The following TAP2 variants were observed in gnomAD, a reference collection of about 807,000 sequenced individuals.
The protein encoded by TAP2 is antigen peptide transporter 2.
A neutral mutation model predicts 74.7 loss-of-function variants in TAP2; 49 were observed. The ratio of observed to expected loss-of-function variants is 0.66; its 90% CI spans 0.52 to 0.83. The LOEUF (loss-of-function observed/expected upper bound fraction) is 0.83, where lower values mean the gene tolerates loss of function less well. Among genes scored for constraint, TAP2 ranks in the 40% least tolerant of loss-of-function variants. The probability of loss-of-function intolerance (pLI) is 0.00; values close to 1 mark genes in which losing one functional copy is unlikely to be tolerated. For missense variants in TAP2, 739 were observed against 859.0 expected, an observed-to-expected ratio of 0.86 and a Z score of 1.75; for synonymous variants, 306 against 368.4, an observed-to-expected ratio of 0.83 and a Z score of 1.94.
rs1768640571 is a variant in TAP2 at position 32,826,211 on chromosome 6, G to A, written c.*2695C>T. The A allele has an allele frequency of 6.1e-6, 6 of 985,234 alleles. No homozygotes were observed. The South Asian group carries it at 1.4e-4, about 23-fold the overall frequency. 61.0% of individuals were successfully genotyped at this position (985,234 alleles called of 1,614,324 possible). Reference sequence around the variant, plus strand: ...ACAATTGCCATGTGGATTACAAGTGGCTATCCCTGGGTGGAGGCATAAAGG... The same window carrying A: ...ACAATTGCCATGTGGATTACAAGTGACTATCCCTGGGTGGAGGCATAAAGG... On this transcript the variant is annotated 3_prime_UTR_variant, in exon 12 of 12. Transcript: ENST00000374897.
rs1769152284 is a variant in TAP2 at position 32,832,512 on chromosome 6, C to G, written c.1144-51G>C. 6.2e-7 allele frequency: 1 copy of G among 1,610,832 alleles called. No individual in the cohort carries two copies. The highest frequency in any genetic ancestry group is 8.5e-7 in the Non-Finnish European group (1 of 1,178,970). On this transcript the variant is annotated intron_variant, in intron 6 of 11. Coordinates refer to ENST00000374897, the MANE Select transcript of TAP2 (RefSeq NM_001290043.2). This position sits in a 1 kb window ranked among gnomAD's most constrained non-coding sequence, Gnocchi z 5.9. ...GGCTGGGAATCTTCCCATTCTTTCCCCCTCTCTGCCTCTATGAGACTGAGC... is the reference window on the plus strand; with the variant it reads ...GGCTGGGAATCTTCCCATTCTTTCCGCCTCTCTGCCTCTATGAGACTGAGC...
Position 32,828,682 on chromosome 6 carries a change from C to CCACAA in TAP2, c.*223_*224insTTGTG. On this transcript the variant is annotated 3_prime_UTR_variant, in exon 12 of 12. Coordinates refer to ENST00000374897, the MANE Select transcript of TAP2 (RefSeq NM_001290043.2). ...GTTTCCTGGACACAGACAGCCCCCA[C>CCACAA]CCCACCCCACCCCACCTCTCTACCC... 2 of 971,400 alleles carry CCACAA rather than the reference C, an allele frequency of 2.1e-6. No individual in the cohort carries two copies. The highest frequency in any genetic ancestry group is 9.3e-5 in the East Asian group (1 of 10,764). The allele number at this position is 971,400 out of a possible 1,614,324, so 60.2% of individuals were successfully genotyped here.
rs145234385 is a variant in TAP2 at position 32,827,505 on chromosome 6, C to A, written c.*1401G>T. 2 of 345,148 alleles carry A rather than the reference C, an allele frequency of 5.8e-6. No homozygotes were observed. The highest frequency in any genetic ancestry group is 8.2e-6 in the Non-Finnish European group (2 of 245,356). The allele number at this position is 345,148 out of a possible 1,614,324, so 21.4% of individuals were successfully genotyped here. A position where few individuals can be genotyped will look rare whatever the true frequency, so the allele number is the denominator to read the frequency against. ...TTAAAAGGGCTGTGAAAGAGGTAAC[C>A]GCACAGTGATAGAAGCACATGGAGA... On this transcript the variant is annotated 3_prime_UTR_variant, in exon 12 of 12. Transcript: ENST00000374897.
Position 32,827,351 on chromosome 6 carries a change from T to G in TAP2, c.*1555A>C, listed in dbSNP as rs879351557. ...TTATTCATTTATTCAATTGACTATTTATTCTCCACTATGAATTAGGCCCTC... is the reference window on the plus strand; with the variant it reads ...TTATTCATTTATTCAATTGACTATTGATTCTCCACTATGAATTAGGCCCTC... On this transcript the variant is annotated 3_prime_UTR_variant, in exon 12 of 12. Coordinates refer to ENST00000374897, the MANE Select transcript of TAP2 (RefSeq NM_001290043.2). 2.0e-6 allele frequency: 2 copies of G among 983,800 alleles called. No homozygotes were observed. Among genetic ancestry groups the G allele is most frequent in the Admixed American group, 1.2e-4 (2 of 16,264 alleles). 60.9% of individuals were successfully genotyped at this position (983,800 alleles called of 1,614,324 possible).
At chr6:32,825,126 T>TATATA (rs1554230832), downstream of TAP2, among the ~76,000 whole-genome samples, 2 of 140,684 alleles carry the variant, frequency 1.4e-5, no homozygotes, top group Non-Finnish European at 1.5e-5. Context: ...TGTCTGTTGG[T>TATATA]TATATACATA....
downstream of TAP2, among the ~76,000 whole-genome samples, chr6:32,824,602 G>T: frequency 6.6e-6 from 1 of 151,790 alleles, no homozygotes; most frequent in Non-Finnish European, 1.5e-5. Flanking sequence ...TGCTTCTTTT[G>T]TTTTCCTTGC....
intron 1 of TAP2, 72 bp from the exon 2 acceptor site, chr6:32,838,309 C>G: frequency 2.0e-6 from 3 of 1,485,776 alleles, no homozygotes; most frequent in South Asian, 1.4e-5. Context: ...CCTACCCGCC[C>G]GGCTCCGCCT....
rs770074697 is a variant in TAP2 at position 32,832,585 on chromosome 6, C to T, written c.1143+42G>A. 3 of 1,612,950 alleles carry T rather than the reference C, an allele frequency of 1.9e-6. No homozygotes were observed. Among genetic ancestry groups the T allele is most frequent in the East Asian group, 4.5e-5 (2 of 44,886 alleles). On this transcript the variant is annotated intron_variant, in intron 6 of 11. Transcript: ENST00000374897. This position sits in a 1 kb window ranked among gnomAD's most constrained non-coding sequence, Gnocchi z 5.9. ...TGTAGTTTCCTCTTCCCTTGCCCTCCCCCTTTCCTGGGCTCCTTTCACAAC... is the reference window on the plus strand; with the variant it reads ...TGTAGTTTCCTCTTCCCTTGCCCTCTCCCTTTCCTGGGCTCCTTTCACAAC...
intron 11 of TAP2, 122 bp from the exon 12 acceptor site, chr6:32,829,156 C>A: frequency 6.7e-7 from 1 of 1,499,910 alleles, no homozygotes; most frequent in Non-Finnish European, 8.9e-7. Flanking sequence ...TAGGAAAGGG[C>A]AGTAGATAAA....
chr6:32,824,678 G>C (rs1206118296), downstream of TAP2, among the ~76,000 whole-genome samples: 1 of 151,658 alleles, frequency 6.6e-6, no homozygotes, highest in Non-Finnish European at 1.5e-5. Flanking sequence ...TACTGATTTA[G>C]GAATTTTAAA....
In TAP2 at chr6:32,838,060, C is replaced by T. The variant is rs1206369830; in HGVS notation, c.174G>A (p.Leu58=). The T allele has an allele frequency of 1.2e-6, 2 of 1,612,342 alleles. No individual in the cohort carries two copies. Among genetic ancestry groups the T allele is most frequent in the South Asian group, 1.1e-5 (1 of 91,036 alleles). ...GLWGLLKLRG[L]LGFVGTLLLP... ...GCAGCAGTGTCCCCACAAATCCCAG[C>T]AGCCCTCTTAGCTTTAGCAGCCCCC... Residue 58 remains leucine (L), a synonymous_variant, in exon 2 of 12, where the codon CTG becomes CTA. Transcript: ENST00000374897.
In TAP2 at chr6:32,832,756, C is replaced by T. The variant is rs777894811; in HGVS notation, c.1014G>A (p.Gly338=). 3.1e-6 allele frequency: 5 copies of T among 1,612,986 alleles called. No homozygotes were observed. Among genetic ancestry groups the T allele is most frequent in the Non-Finnish European group, 4.2e-6 (5 of 1,180,042 alleles). ...AGQVVREAVG[G]LQTVRSFGAE... is the part of the protein sequence containing the mutation. ...CCCCAAAACTGCGAACGGTCTGCAG[C>T]CCTCCAACGGCTTCCCGCACCACCT... Residue 338 remains glycine (G), a synonymous_variant, in exon 6 of 12, where the codon GGG becomes GGA. Coordinates refer to ENST00000374897, the MANE Select transcript of TAP2 (RefSeq NM_001290043.2). This position sits in a 1 kb window ranked among gnomAD's most constrained non-coding sequence, Gnocchi z 5.9.
At chr6:32,822,661 T>C (rs73410780), downstream of TAP2, among the ~76,000 whole-genome samples, 15,477 of 151,788 alleles carry the variant, frequency 0.1, 1,204 homozygotes, top group African/African-American at 0.22. Context: ...CTCAGCCAAG[T>C]AGTTGAAACC....
chr6:32,835,533 T>C lies in TAP2; in HGVS notation c.739+110A>G. 1 of 1,541,944 alleles carries C rather than the reference T, an allele frequency of 6.5e-7. No individual in the cohort carries two copies. The highest frequency in any genetic ancestry group is 8.9e-7 in the Non-Finnish European group (1 of 1,123,832). On this transcript the variant is annotated intron_variant, in intron 4 of 11. Coordinates refer to ENST00000374897, the MANE Select transcript of TAP2 (RefSeq NM_001290043.2). This position sits in a 1 kb window ranked among gnomAD's most constrained non-coding sequence, Gnocchi z 4.0. The stretch of plus-strand genomic sequence containing the variant: ...CCCTGTCCCAAACAAGAGAAAAGCA[T>C]CCCCAAGTCCTGGCATACGGGTGAA...
Position 32,826,478 on chromosome 6 carries a change from G to A in TAP2, c.*2428C>T. 2.0e-6 allele frequency: 2 copies of A among 985,382 alleles called. No individual in the cohort carries two copies. Among genetic ancestry groups the A allele is most frequent in the Non-Finnish European group, 2.4e-6 (2 of 829,942 alleles). The allele number at this position is 985,382 out of a possible 1,614,324, so 61.0% of individuals were successfully genotyped here. A position where few individuals can be genotyped will look rare whatever the true frequency, so the allele number is the denominator to read the frequency against. On this transcript the variant is annotated 3_prime_UTR_variant, in exon 12 of 12. Transcript: ENST00000374897. Reference sequence around the variant, plus strand: ...GGTAGGAGTGAACAAAAAGAACTCTGGAGCAAACCAGGATTAGTGACATCT... The same window carrying A: ...GGTAGGAGTGAACAAAAAGAACTCTAGAGCAAACCAGGATTAGTGACATCT...
rs1385431114 is a variant in TAP2, at chr6:32,829,967, A to T, written c.1758T>A (p.Asp586Glu). 1 of 1,613,120 alleles carries T rather than the reference A, an allele frequency of 6.2e-7. No individual in the cohort carries two copies. The change falls in exon 10 of 12, where the codon GAT becomes GAA. Residue 586 changes from aspartate to glutamate, a missense_variant. Transcript: ENST00000374897. ...CATGCTCCATTTCCTGGATGAAGTC[A>T]TCTGCGTGGGCAGCCTGGGCAGCCG... ...VMAAAQAAHA[D>E]DFIQEMEHGI...
In TAP2 at chr6:32,835,135, C is replaced by A. The variant is rs1473429520; in HGVS notation, c.945+19G>T. The stretch of plus-strand genomic sequence containing the variant: ...TCAGTTTTATTCTCCCTTTGGGGTT[C>A]CCTTACATGCACGCTCACCTGATGG... On this transcript the variant is annotated intron_variant, in intron 5 of 11. Transcript: ENST00000374897. The surrounding 1 kb of genome is among the most constrained non-coding windows in gnomAD (Gnocchi z 4.0). 3 of 1,611,504 alleles carry A rather than the reference C, an allele frequency of 1.9e-6. No individual in the cohort carries two copies. Among genetic ancestry groups the A allele is most frequent in the Non-Finnish European group, 2.5e-6 (3 of 1,179,784 alleles).
At chr6:32,837,177 C>T (rs936116054) in intron 3 of TAP2, among the ~76,000 whole-genome samples, 1 of 152,052 alleles carries the variant, frequency 6.6e-6, no homozygotes, top group Non-Finnish European at 1.5e-5. Context: ...TGGAGAGATA[C>T]TTTGGAGACA....
downstream of TAP2, among the ~76,000 whole-genome samples, chr6:32,822,627 A>G (rs1360321626): frequency 6.7e-6 from 1 of 150,284 alleles, no homozygotes; most frequent in Non-Finnish European, 1.5e-5. Flanking sequence ...GCAGCCTTGA[A>G]CTGGGCCCAA....
Sources: gnomAD v4.1 joint callset for allele counts (sites outside exome capture counted in the v4.1 genomes callset) on GRCh38, gnomAD v4.1.1 for gene constraint, Gnocchi (gnomAD v3.1) non-coding constraint, MANE v1.5 for transcripts, NCBI Gene and HGNC (gene_info 2026-07-23, HGNC 2026-07-21) for gene names.